The following CDH11 variants were observed in gnomAD, a reference collection of about 807,000 sequenced individuals.
CDH11 encodes the protein cadherin 11, also known as cadherin-11.
CDH11 carries 11 observed loss-of-function variants against 67.8 expected under a neutral mutation model. That is an observed-to-expected ratio of 0.16 (90% CI 0.10 to 0.27). The LOEUF is 0.27. Ranked by LOEUF, CDH11 falls within the 10% of genes least tolerant of loss-of-function variation. The pLI is 1.00. For synonymous variants in CDH11, 419 were observed against 400.0 expected (o/e 1.05, Z -0.57); for missense variants, 847 against 1,031.2 (o/e 0.82, Z 2.45).
chr16:65,039,755 C>T (rs2073827700), intron 2 of CDH11, among the ~76,000 whole-genome samples: 1 of 152,084 alleles, frequency 6.6e-6, no homozygotes, highest in Non-Finnish European at 1.5e-5. Flanking sequence ...AAAGAAACTA[C>T]CATCAGAGTG....
chr16:65,011,959 G>A (rs575641847), intron 2 of CDH11, among the ~76,000 whole-genome samples: 1 of 152,146 alleles, frequency 6.6e-6, no homozygotes, highest in African/African-American at 2.4e-5. Flanking sequence ...TTTTTTATTT[G>A]TCTGTTCCTT....
chr16:65,001,084 A>G (rs929293666), intron 3 of CDH11, among the ~76,000 whole-genome samples: 1 of 152,120 alleles, frequency 6.6e-6, no homozygotes, highest in Non-Finnish European at 1.5e-5. Context: ...GTATTGTTTC[A>G]ATATCCCCAA....
chr16:65,096,071 G>A (rs756618515), intron 1 of CDH11, among the ~76,000 whole-genome samples: 9 of 152,162 alleles, frequency 5.9e-5, no homozygotes, highest in Non-Finnish European at 1.2e-4. Context: ...ATACATAAAT[G>A]CAGAAGTATG....
intron 1 of CDH11, among the ~76,000 whole-genome samples, chr16:65,071,160 T>C (rs1018610223): frequency 4.6e-5 from 7 of 152,136 alleles, no homozygotes; most frequent in South Asian, 2.1e-4. Context: ...TGAGAACCTA[T>C]GCTCAAGAGA....
intron 4 of CDH11, among the ~76,000 whole-genome samples, chr16:64,997,627 G>C (rs1470098580): frequency 6.6e-6 from 1 of 152,144 alleles, no homozygotes; most frequent in Non-Finnish European, 1.5e-5. Flanking sequence ...AGGGAAAATG[G>C]AAGAGACAAA....
intron 1 of CDH11, among the ~76,000 whole-genome samples, chr16:65,054,481 T>C (rs936023244): frequency 2.0e-5 from 3 of 152,154 alleles, no homozygotes; most frequent in African/African-American, 7.2e-5. Flanking sequence ...CTCTTCAAGA[T>C]TGCATTTCCC....
chr16:65,077,552 C>A (rs1221588779), intron 1 of CDH11, among the ~76,000 whole-genome samples: 1 of 152,174 alleles, frequency 6.6e-6, no homozygotes, highest in Non-Finnish European at 1.5e-5. Context: ...AAGAAGTTAA[C>A]AAGTGCTGCA....
intron 2 of CDH11, among the ~76,000 whole-genome samples, chr16:65,007,359 A>G (rs1238958049): frequency 2.6e-5 from 4 of 152,158 alleles, no homozygotes; most frequent in Admixed American, 6.5e-5. Flanking sequence ...ATTGGTTGTA[A>G]ACAGACACTT....
At chr16:65,095,666 G>A (rs1324033029) in intron 1 of CDH11, among the ~76,000 whole-genome samples, 1 of 152,084 alleles carries the variant, frequency 6.6e-6, no homozygotes, top group Non-Finnish European at 1.5e-5. Flanking sequence ...TCCCATCTGT[G>A]GACTGCAATG....
intron 2 of CDH11, among the ~76,000 whole-genome samples, chr16:65,042,592 T>C (rs565033985): frequency 6.6e-6 from 1 of 152,054 alleles, no homozygotes; most frequent in African/African-American, 2.4e-5. Flanking sequence ...GGCAGCAAAA[T>C]TTGCATCTGG....
chr16:65,056,596 T>C (rs1279477520), intron 1 of CDH11, among the ~76,000 whole-genome samples: 1 of 152,178 alleles, frequency 6.6e-6, no homozygotes, highest in African/African-American at 2.4e-5. Flanking sequence ...TAAGCACATA[T>C]AACCATCCTG....
At position 64,965,761 on chromosome 16, in the gene CDH11, C is replaced by T. The variant is rs544974884; in HGVS notation, c.1642+5818G>A. On this transcript the variant is annotated intron_variant, in intron 11 of 12. Transcript: ENST00000268603. ...TGCTGCTGTCCAAGACATTGTTATG[C>T]GGTGCATGAAACACACACACACACA... Among the ~76,000 whole-genome samples, 14 of 145,882 alleles carry T rather than the reference C, an allele frequency of 9.6e-5. No homozygotes were observed. In the South Asian group the frequency reaches 1.1e-3, roughly 11 times the overall value.
chr16:65,009,159 C>A (rs956828994), intron 2 of CDH11, among the ~76,000 whole-genome samples: 1 of 151,952 alleles, frequency 6.6e-6, no homozygotes, highest in Admixed American at 6.6e-5. Flanking sequence ...TTTAGGCACA[C>A]TAATACAAAT....
chr16:64,986,037 A>G (rs1381344647), intron 7 of CDH11: 1 of 152,152 alleles, frequency 6.6e-6, no homozygotes, highest in African/African-American at 2.4e-5. Flanking sequence ...TGAATAAATT[A>G]GGAAATAAAT....
At chr16:65,033,834 G>C (rs1254332209) in intron 2 of CDH11, among the ~76,000 whole-genome samples, 1 of 152,158 alleles carries the variant, frequency 6.6e-6, no homozygotes, top group Non-Finnish European at 1.5e-5. Context: ...ATTAATGCAT[G>C]AAGATGGGGA....
In CDH11 at chr16:65,112,211, G is replaced by A. The variant is rs1394115908; in HGVS notation, c.-298+9669C>T. 4.6e-5 allele frequency among the ~76,000 whole-genome samples: 7 copies of A among 152,120 alleles called. No individual in the cohort carries two copies. The East Asian group carries it at 1.3e-3, about 29-fold the overall frequency. On this transcript the variant is annotated intron_variant, in intron 1 of 12. Coordinates refer to ENST00000268603, the MANE Select transcript of CDH11 (RefSeq NM_001797.4). ...TAAAGGAAGCATTTCCAACAGTGAA[G>A]GTTCCCAATGTCTCAATGGTTTGCA...
At chr16:65,119,954 C>A (rs754638337) in intron 1 of CDH11, among the ~76,000 whole-genome samples, 5 of 152,142 alleles carry the variant, frequency 3.3e-5, no homozygotes, top group Non-Finnish European at 7.4e-5. Flanking sequence ...ATTCCAGAGC[C>A]CACTGGCCAA....
At chr16:65,017,739 G>A (rs2073340047) in intron 2 of CDH11, among the ~76,000 whole-genome samples, 1 of 152,076 alleles carries the variant, frequency 6.6e-6, no homozygotes, top group Non-Finnish European at 1.5e-5. Flanking sequence ...AGATCTGTAT[G>A]TTACCTATTC....
At chr16:65,009,743 A>G (rs2142542870) in intron 2 of CDH11, among the ~76,000 whole-genome samples, 1 of 152,344 alleles carries the variant, frequency 6.6e-6, no homozygotes, top group East Asian at 1.9e-4. Flanking sequence ...TAAAACATAT[A>G]GGAGGACTTT....
Sources: allele counts gnomAD v4.1 joint callset (sites outside exome capture counted in the v4.1 genomes callset), GRCh38; gene constraint gnomAD v4.1.1; transcripts MANE v1.5; gene names NCBI Gene and HGNC (gene_info 2026-07-23, HGNC 2026-07-21).